CDK6: variants seen among roughly 807,000 people sequenced by gnomAD.
The protein encoded by CDK6 is cyclin-dependent kinase 6.
A neutral mutation model predicts 37.1 loss-of-function variants in CDK6; 6 were observed. The observed-to-expected ratio is 0.16, with a 90% CI of 0.09 to 0.32. The LOEUF (loss-of-function observed/expected upper bound fraction) is 0.32, where lower values mean the gene tolerates loss of function less well. Among genes scored for constraint, CDK6 ranks in the 10% least tolerant of loss-of-function variants. The probability of loss-of-function intolerance (pLI) is 1.00; values close to 1 mark genes in which losing one functional copy is unlikely to be tolerated. For synonymous variants in CDK6, 160 were observed against 161.3 expected (o/e 0.99, Z 0.06); for missense variants, 224 against 418.9 (o/e 0.53, Z 4.06).
At chr7:92,776,414 G>C (rs1799853057) in intron 2 of CDK6, among the ~76,000 whole-genome samples, 1 of 152,048 alleles carries the variant, frequency 6.6e-6, no homozygotes, top group South Asian at 2.1e-4. Context: ...TAATCCTTTG[G>C]GTATATACTC....
chr7:92,775,384 G>T (rs767401093), intron 2 of CDK6, among the ~76,000 whole-genome samples: 53 of 152,224 alleles, frequency 3.5e-4, no homozygotes, highest in Non-Finnish European at 3.7e-4. Context: ...CCCTGGAAAG[G>T]GCATACATTC....
At chr7:92,774,555 G>A (rs542918730) in intron 3 of CDK6, 141 bp downstream of exon 3, 1 of 665,930 alleles carries the variant, frequency 1.5e-6, no homozygotes, top group Admixed American at 3.5e-5. Context: ...CCCAATCTTT[G>A]AACATTTTCT....
intron 4 of CDK6, among the ~76,000 whole-genome samples, chr7:92,696,026 C>T (rs897893073): frequency 1.3e-5 from 2 of 152,268 alleles, no homozygotes; most frequent in African/African-American, 2.4e-5. Flanking sequence ...GACATGTCAG[C>T]GGTATTGGAT....
chr7:92,659,080 G>A (rs1237332400), intron 5 of CDK6, among the ~76,000 whole-genome samples: 7 of 152,208 alleles, frequency 4.6e-5, no homozygotes, highest in Admixed American at 4.6e-4. Flanking sequence ...CAGAAAAGAA[G>A]ACAATGTGGG....
intron 2 of CDK6, among the ~76,000 whole-genome samples, chr7:92,797,337 G>A (rs1286849622): frequency 1.3e-5 from 2 of 152,126 alleles, no homozygotes; most frequent in Non-Finnish European, 2.9e-5. Flanking sequence ...GATTTGGCTG[G>A]CAGATGCAAG....
At chr7:92,679,675 T>C (rs540277258) in intron 4 of CDK6, among the ~76,000 whole-genome samples, 1 of 152,284 alleles carries the variant, frequency 6.6e-6, no homozygotes, top group Non-Finnish European at 1.5e-5. Context: ...GAAGTGAAAA[T>C]CAAAACTAGT....
chr7:92,774,621 TAAGGA>T, intron 3 of CDK6, 70 bp downstream of exon 3: 1 of 1,312,760 alleles, frequency 7.6e-7, no homozygotes, highest in Non-Finnish European at 1.0e-6. Flanking sequence ...GCAATTTTCA[TAAGGA>T]AAGAAAGCCA....
At chr7:92,759,555 G>C (rs1799401072) in intron 3 of CDK6, among the ~76,000 whole-genome samples, 1 of 151,516 alleles carries the variant, frequency 6.6e-6, no homozygotes, top group African/African-American at 2.4e-5. Context: ...AATCCAACAG[G>C]GGCATTACCA....
Position 92,614,451 on chromosome 7 carries a change from A to AT in CDK6, c.*688dup, listed in dbSNP as rs1388792028. The AT allele has an allele frequency of 4.3e-6, 1 of 233,096 alleles. No homozygotes were observed. Among genetic ancestry groups the AT allele is most frequent in the Non-Finnish European group, 8.5e-6 (1 of 117,986 alleles). 14.4% of individuals were successfully genotyped at this position (233,096 alleles called of 1,614,324 possible). Reference sequence around the variant, plus strand: ...TGCACATCTCTTAAAATATACTAGAATTTTTTCTCCTTTTTGCTGTGTGTA... The same window carrying AT: ...TGCACATCTCTTAAAATATACTAGAATTTTTTTCTCCTTTTTGCTGTGTGTA... On this transcript the variant is annotated 3_prime_UTR_variant, in exon 8 of 8. Coordinates refer to ENST00000424848, the MANE Select transcript of CDK6 (RefSeq NM_001145306.2).
At chr7:92,767,418 G>T (rs1799610070) in intron 3 of CDK6, among the ~76,000 whole-genome samples, 1 of 152,120 alleles carries the variant, frequency 6.6e-6, no homozygotes, top group Non-Finnish European at 1.5e-5. Flanking sequence ...GAAATTATTA[G>T]TAAGATTACA....
chr7:92,705,771 G>A (rs1166113668), intron 4 of CDK6, among the ~76,000 whole-genome samples: 1 of 152,144 alleles, frequency 6.6e-6, no homozygotes, highest in Non-Finnish European at 1.5e-5. Context: ...ATAGATAAGA[G>A]CAATATTAAG....
intron 5 of CDK6, among the ~76,000 whole-genome samples, chr7:92,639,129 A>T (rs1796241977): frequency 6.6e-6 from 1 of 152,228 alleles, no homozygotes; most frequent in African/African-American, 2.4e-5. Context: ...TTCTCAAAAT[A>T]TTAAAAAAAA....
rs77408642 is a variant in CDK6 at position 92,693,139 on chromosome 7, C to T, written c.538-21604G>A. Among the ~76,000 whole-genome samples the T allele has an allele frequency of 1.5e-3, 236 of 152,318 alleles. 7 individuals are homozygous for T. The East Asian group carries it at 0.039, about 25-fold the overall frequency. On this transcript the variant is annotated intron_variant, in intron 4 of 7. Coordinates refer to ENST00000424848, the MANE Select transcript of CDK6 (RefSeq NM_001145306.2). ...AATAGGAATGTCTGTTTTGCACAGG[C>T]CCAAACTCTCTTTTTTGCAGGTTAC...
Position 92,677,134 on chromosome 7 carries a change from T to A in CDK6, c.538-5599A>T, listed in dbSNP as rs1200800605. 4.7e-4 allele frequency among the ~76,000 whole-genome samples: 72 copies of A among 152,234 alleles called. 1 individual carries two copies. On this transcript the variant is annotated intron_variant, in intron 4 of 7. Coordinates refer to ENST00000424848, the MANE Select transcript of CDK6 (RefSeq NM_001145306.2). ...GTAAATCATTGTAACCAAGTGAGAGTGAAATTAGACTAACTTTATGCTTAC... is the reference window on the plus strand; with the variant it reads ...GTAAATCATTGTAACCAAGTGAGAGAGAAATTAGACTAACTTTATGCTTAC...
chr7:92,803,004 C>G (rs1163906752), intron 2 of CDK6, among the ~76,000 whole-genome samples: 1 of 152,184 alleles, frequency 6.6e-6, no homozygotes, highest in Non-Finnish European at 1.5e-5. Flanking sequence ...ATTCTGCGTT[C>G]TTACAGTTTT....
intron 2 of CDK6, among the ~76,000 whole-genome samples, chr7:92,802,412 T>A (rs1800603872): frequency 6.6e-6 from 1 of 152,206 alleles, no homozygotes; most frequent in Non-Finnish European, 1.5e-5. Flanking sequence ...ATTAAAAATT[T>A]GACCTGAAAT....
intron 3 of CDK6, among the ~76,000 whole-genome samples, chr7:92,765,963 C>T (rs1271177115): frequency 6.6e-6 from 1 of 151,950 alleles, no homozygotes; most frequent in Non-Finnish European, 1.5e-5. Context: ...CGGACAAATG[C>T]CGAGCTAGAA....
chr7:92,737,551 A>T (rs764074458), intron 3 of CDK6, among the ~76,000 whole-genome samples: 45 of 152,176 alleles, frequency 3.0e-4, no homozygotes, highest in Admixed American at 3.9e-4. Flanking sequence ...TTTTTATAGG[A>T]TAATAACCGG....
chr7:92,734,577 A>G (rs1318143533), intron 3 of CDK6, among the ~76,000 whole-genome samples: 1 of 152,222 alleles, frequency 6.6e-6, no homozygotes, highest in African/African-American at 2.4e-5. Flanking sequence ...GGTGTCAATA[A>G]ATGCTCAATG....
Sources: gnomAD v4.1 joint callset for allele counts (sites outside exome capture counted in the v4.1 genomes callset) on GRCh38, gnomAD v4.1.1 for gene constraint, MANE v1.5 for transcripts, NCBI Gene and HGNC (gene_info 2026-07-23, HGNC 2026-07-21) for gene names.